Variants in DNAI3 observed in about 807,000 individuals in gnomAD.
DNAI3 encodes WD repeat domain 63.
Under a neutral mutation model 115.5 loss-of-function variants are expected in DNAI3, and 83 were observed. The observed-to-expected ratio is 0.72, with a 90% CI of 0.60 to 0.86. The LOEUF (loss-of-function observed/expected upper bound fraction) is 0.86. Among genes scored for constraint, DNAI3 ranks in the 40% least tolerant of loss-of-function variants. DNAI3 has a pLI of 0.00. For missense variants in DNAI3, 1,004 were observed against 1,075.8 expected, an observed-to-expected ratio of 0.93 and a Z score of 0.93; for synonymous variants, 320 against 347.0, an observed-to-expected ratio of 0.92 and a Z score of 0.86.
chr1:85,101,445 G>A (rs1655306616), intron 13 of DNAI3, among the ~76,000 whole-genome samples: 1 of 152,142 alleles, frequency 6.6e-6, no homozygotes, highest in Non-Finnish European at 1.5e-5. Context: ...ATAACAGGCT[G>A]GGCGCAGTGG....
At chr1:85,118,488 A>T (rs1655898419) in intron 17 of DNAI3, among the ~76,000 whole-genome samples, 1 of 152,196 alleles carries the variant, frequency 6.6e-6, no homozygotes, top group Admixed American at 6.5e-5. Context: ...AGAGGCAGAG[A>T]TGCTCTTTTC....
At chr1:85,073,008 A>T in intron 2 of DNAI3, 46 bp from the exon 3 acceptor site, 1 of 1,158,138 alleles carries the variant, frequency 8.6e-7, no homozygotes, top group Non-Finnish European at 1.2e-6. Flanking sequence ...ATTGAGATGT[A>T]TTTGATTCAA....
At chr1:85,081,061 G>A (rs1654619442) in intron 3 of DNAI3, among the ~76,000 whole-genome samples, 173 bp from the exon 4 acceptor site, 1 of 152,008 alleles carries the variant, frequency 6.6e-6, no homozygotes, top group Non-Finnish European at 1.5e-5. Flanking sequence ...TTTTAAAAAT[G>A]TTTTTGGCAT....
At chr1:85,124,423 A>G (rs925103923) in intron 19 of DNAI3, among the ~76,000 whole-genome samples, 172 bp downstream of exon 19, 1 of 151,174 alleles carries the variant, frequency 6.6e-6, no homozygotes, top group Non-Finnish European at 1.5e-5. Flanking sequence ...CCTTTTGAAA[A>G]CACATTCATT....
intron 11 of DNAI3, among the ~76,000 whole-genome samples, chr1:85,097,276 G>T (rs1285872719): frequency 6.6e-6 from 1 of 152,068 alleles, no homozygotes; most frequent in Non-Finnish European, 1.5e-5. Flanking sequence ...AAAACAGGAA[G>T]AACTTTTCCT....
chr1:85,079,550 AGGGGCGTG>A (rs1443285694), intron 3 of DNAI3, among the ~76,000 whole-genome samples: 1 of 152,098 alleles, frequency 6.6e-6, no homozygotes, highest in Non-Finnish European at 1.5e-5. Flanking sequence ...CCTGACATCC[AGGGGCGTG>A]GGTGCTAGAG....
At chr1:85,114,854 A>G (rs1042922109) in intron 16 of DNAI3, among the ~76,000 whole-genome samples, 6 of 152,196 alleles carry the variant, frequency 3.9e-5, no homozygotes, top group African/African-American at 1.4e-4. Flanking sequence ...CTCTGTCACT[A>G]TCTAATGGCC....
At chr1:85,109,937 A>AT in intron 15 of DNAI3, 111 bp from the exon 16 acceptor site, 3 of 954,684 alleles carry the variant, frequency 3.1e-6, no homozygotes, top group Non-Finnish European at 3.2e-6. Flanking sequence ...AAGAAAAAAA[A>AT]GGAGGTGGGT....
rs769024316 is a variant in DNAI3, at chr1:85,093,668, G to T, written c.1048+20G>T. 1 of 1,613,238 alleles carries T rather than the reference G, an allele frequency of 6.2e-7. No individual in the cohort carries two copies. The highest frequency in any genetic ancestry group is 8.5e-7 in the Non-Finnish European group (1 of 1,179,206). On this transcript the variant is annotated intron_variant, in intron 9 of 22. Transcript: ENST00000294664. ...TCTATGGTGAGATGGAAATGATGGG[G>T]ATTCCCTTTTGTGATAACATTGAAA...
Position 85,126,609 on chromosome 1 carries a change from T to C in DNAI3, c.2211T>C (p.Asp737=). The stretch of plus-strand genomic sequence containing the variant: ...GAGTTTTCTACATCGGCCGAGAAGA[T>C]GGATACATTGATATCTGGGACCTTC... ...RPGVFYIGRE[D]GYIDIWDLLE... The change falls in exon 20 of 23, where the codon GAT becomes GAC. Residue 737 remains aspartate (D), a synonymous_variant. Coordinates refer to ENST00000294664, the MANE Select transcript of DNAI3 (RefSeq NM_145172.5). 1 of 1,614,132 alleles carries C rather than the reference T, an allele frequency of 6.2e-7. No homozygotes were observed. The highest frequency in any genetic ancestry group is 8.5e-7 in the Non-Finnish European group (1 of 1,180,010).
chr1:85,105,750 A>G (rs1655470291), intron 14 of DNAI3, among the ~76,000 whole-genome samples: 2 of 152,146 alleles, frequency 1.3e-5, no homozygotes, highest in African/African-American at 2.4e-5. Context: ...GCAGGAACAA[A>G]TGGCCAGCCC....
rs112613839 is a variant in DNAI3 at position 85,066,605 on chromosome 1, G to A, written c.-15+4119G>A. On this transcript the variant is annotated intron_variant, in intron 1 of 22. Transcript: ENST00000294664. ...GGCCTCCCAAAGTTTTGGGATTACA[G>A]GCGTGAGCCACTGCACCTGGCCTCT... 5.0e-3 allele frequency among the ~76,000 whole-genome samples: 764 copies of A among 152,140 alleles called. 14 individuals carry two copies. Among genetic ancestry groups the A allele is most frequent in the African/African-American group, 0.018 (735 of 41,520 alleles).
At chr1:85,095,843 T>A in intron 10 of DNAI3, 88 bp from the exon 11 acceptor site, 1 of 1,290,840 alleles carries the variant, frequency 7.7e-7, no homozygotes, top group Non-Finnish European at 1.1e-6. Context: ...GCTATAAAAT[T>A]AGACTTTTAA....
In DNAI3 at chr1:85,108,182, G is replaced by C. The variant is rs761463763; in HGVS notation, c.1698+5G>C. On this transcript the variant is annotated splice_donor_5th_base_variant and intron_variant, in intron 15 of 22. Coordinates refer to ENST00000294664, the MANE Select transcript of DNAI3 (RefSeq NM_145172.5). ...TCCTGGAAACCTCTCACTAAGGTAA[G>C]TAATGTGGGGTTTTTAGTCCATCCT... is the stretch of plus-strand genomic sequence containing the variant. The C allele has an allele frequency of 3.8e-6, 6 of 1,580,172 alleles. No individual in the cohort carries two copies. The highest frequency in any genetic ancestry group is 5.1e-6 in the Non-Finnish European group (6 of 1,168,854).
chr1:85,130,698 T>TAGATAGAC (rs1656294034), intron 22 of DNAI3, among the ~76,000 whole-genome samples: 4 of 149,106 alleles, frequency 2.7e-5, no homozygotes, highest in Middle Eastern at 3.5e-3. Context: ...GATAGATAGA[T>TAGATAGAC]AGATAGATAG....
intron 6 of DNAI3, among the ~76,000 whole-genome samples, chr1:85,085,471 G>A (rs1654775046): frequency 6.6e-6 from 1 of 152,204 alleles, no homozygotes; most frequent in Non-Finnish European, 1.5e-5. Context: ...AGTCTGCAGA[G>A]GGAAGGCTTC....
At chr1:85,113,130 C>T (rs2100602659) in intron 16 of DNAI3, among the ~76,000 whole-genome samples, 1 of 152,270 alleles carries the variant, frequency 6.6e-6, no homozygotes, top group African/African-American at 2.4e-5. Context: ...CTAGTTCTTT[C>T]TCAGGACTAG....
At chr1:85,077,886 AAG>A (rs1654510845) in intron 3 of DNAI3, among the ~76,000 whole-genome samples, 1 of 152,170 alleles carries the variant, frequency 6.6e-6, no homozygotes, top group African/African-American at 2.4e-5. Context: ...AAAAAAAAAA[AAG>A]AATGTACAAT....
intron 15 of DNAI3, among the ~76,000 whole-genome samples, chr1:85,108,782 C>G (rs1655569598): frequency 6.6e-6 from 1 of 152,148 alleles, no homozygotes; most frequent in East Asian, 1.9e-4. Context: ...TTCCTTCCCC[C>G]TTACAAGTTA....
Sources: allele counts gnomAD v4.1 joint callset (sites outside exome capture counted in the v4.1 genomes callset), GRCh38; gene constraint gnomAD v4.1.1; transcripts MANE v1.5; gene names NCBI Gene and HGNC (gene_info 2026-07-23, HGNC 2026-07-21).